Variants in MPP4 observed in about 807,000 individuals in gnomAD.
The protein encoded by MPP4 is MAGUK p55 scaffold protein 4.
In MPP4, 91 loss-of-function variants were observed where a neutral mutation model predicts 98.3. That is an observed-to-expected ratio of 0.93 (90% CI 0.78 to 1.10). The LOEUF is 1.10. Among genes scored for constraint, MPP4 ranks in the 50% least tolerant of loss-of-function variants. MPP4 has a pLI of 0.00. For missense variants in MPP4, 744 were observed against 792.9 expected, an observed-to-expected ratio of 0.94 and a Z score of 0.74; for synonymous variants, 261 against 271.8, an observed-to-expected ratio of 0.96 and a Z score of 0.39.
At chr2:201,664,410 GA>G in intron 13 of MPP4, 5 of 1,181,740 alleles carry the variant, frequency 4.2e-6, no homozygotes, top group Non-Finnish European at 5.7e-6. Flanking sequence ...GGGGAAAGTG[GA>G]ATGTCAGGGA....
chr2:201,694,061 T>A lies in MPP4; in HGVS notation c.-100-7A>T. On this transcript the variant is annotated splice_region_variant and splice_polypyrimidine_tract_variant and intron_variant, in intron 1 of 21. Coordinates refer to ENST00000409474, the MANE Select transcript of MPP4 (RefSeq NM_033066.3). ...GCCACCAGCTCTCAGCACACTGGAA[T>A]ATATTTTCAATAGCATTTCCTCAGC... 6.2e-7 allele frequency: 1 copy of A among 1,604,496 alleles called. No individual in the cohort carries two copies. Among genetic ancestry groups the A allele is most frequent in the East Asian group, 2.2e-5 (1 of 44,732 alleles).
intron 14 of MPP4, 31 bp downstream of exon 14, chr2:201,664,050 A>C: frequency 6.9e-7 from 1 of 1,443,928 alleles, no homozygotes; most frequent in Non-Finnish European, 9.4e-7. Context: ...TACATTTAAA[A>C]ATCAGTACCA....
chr2:201,694,163 C>T, intron 1 of MPP4, 109 bp from the exon 2 acceptor site: 1 of 1,048,216 alleles, frequency 9.5e-7, no homozygotes, highest in East Asian at 2.6e-5. Context: ...TACTCTTAAC[C>T]ATCACCAGTG....
intron 13 of MPP4, 74 bp downstream of exon 13, chr2:201,666,260 T>A (rs1688170904): frequency 7.4e-7 from 1 of 1,349,276 alleles, no homozygotes; most frequent in Admixed American, 2.3e-5. Flanking sequence ...TTTGGACACC[T>A]CTGCTTCAGA....
intron 11 of MPP4, among the ~76,000 whole-genome samples, chr2:201,672,425 C>G (rs1040333573): frequency 2.0e-5 from 3 of 151,706 alleles, no homozygotes; most frequent in Admixed American, 6.6e-5. Context: ...GACAGAGACA[C>G]AAAAAAACCT....
chr2:201,681,065 A>C, intron 9 of MPP4, 31 bp from the exon 10 acceptor site: 1 of 1,595,232 alleles, frequency 6.3e-7, no homozygotes, highest in African/African-American at 1.3e-5. Flanking sequence ...ACGCTATCAG[A>C]AGGTGCCTAA....
chr2:201,667,597 T>C (rs1688217853), intron 12 of MPP4, among the ~76,000 whole-genome samples: 1 of 152,230 alleles, frequency 6.6e-6, no homozygotes, highest in Non-Finnish European at 1.5e-5. Context: ...GAATAAAGGT[T>C]CTGAATTTTT....
rs1456360251 is a variant in MPP4, at chr2:201,645,376, A to G, written c.1748T>C (p.Leu583Ser). The G allele has an allele frequency of 1.4e-5, 22 of 1,613,910 alleles. No individual in the cohort carries two copies. Among genetic ancestry groups the G allele is most frequent in the Non-Finnish European group, 1.8e-5 (21 of 1,179,884 alleles). ...AAACTGAGTTTCCATTCTTTGGGCT[A>G]AATTTTCCATCTCTTGTAGGTCTTC... The part of the protein sequence containing the change: ...KDEDLQEMEN[L>S]AQRMETQFGQ... Residue 583 changes from leucine to serine, a missense_variant, in exon 22 of 22, where the codon TTA becomes TCA. By Grantham distance (145) the Leu-to-Ser change is moderately radical. Coordinates refer to ENST00000409474, the MANE Select transcript of MPP4 (RefSeq NM_033066.3).
intron 6 of MPP4, among the ~76,000 whole-genome samples, chr2:201,685,684 C>A (rs1397575280): frequency 6.6e-6 from 1 of 152,204 alleles, no homozygotes; most frequent in African/African-American, 2.4e-5. Flanking sequence ...TCTTATAAAT[C>A]TCATCTTACT....
rs10931965 is a variant in MPP4, at chr2:201,652,800, A to C, written c.1381+2037T>G. ...TCTGCCCCCGATAGATCTCACTTCC[A>C]CTGGTTTAGAACTCTCTAAGGCTAG... On this transcript the variant is annotated intron_variant, in intron 18 of 21. Coordinates refer to ENST00000409474, the MANE Select transcript of MPP4 (RefSeq NM_033066.3). Among the ~76,000 whole-genome samples, 1,914 of 152,106 alleles carry C rather than the reference A, an allele frequency of 0.013. 97 individuals carry two copies. The East Asian group carries it at 0.19, about 15-fold the overall frequency.
At chr2:201,688,333 A>G (rs1688898757) in intron 4 of MPP4, among the ~76,000 whole-genome samples, 1 of 152,246 alleles carries the variant, frequency 6.6e-6, no homozygotes, top group Non-Finnish European at 1.5e-5. Context: ...GGGAGGAGAC[A>G]CAGACAACAA....
intron 18 of MPP4, chr2:201,650,940 A>G: frequency 1.0e-6 from 1 of 985,304 alleles, no homozygotes; most frequent in South Asian, 4.7e-5. Context: ...CAAATATCTA[A>G]AAGTTATTTG....
At chr2:201,697,954 C>T (rs1255441195) in intron 1 of MPP4, 1 of 985,246 alleles carries the variant, frequency 1.0e-6, no homozygotes, top group Admixed American at 6.2e-5. Context: ...GACTTCTGTA[C>T]CAAATTTGTC....
intron 12 of MPP4, 193 bp from the exon 13 acceptor site, chr2:201,666,565 A>C (rs1688181496): frequency 8.6e-6 from 4 of 463,782 alleles, no homozygotes; most frequent in Middle Eastern, 5.5e-4. Flanking sequence ...TACCAAAAAA[A>C]ACAAAAATTA....
At chr2:201,670,808 G>A (rs1382381914) in intron 11 of MPP4, among the ~76,000 whole-genome samples, 1 of 152,240 alleles carries the variant, frequency 6.6e-6, no homozygotes, top group Admixed American at 6.5e-5. Context: ...GCAGCTCCCA[G>A]CAAGATCAAT....
intron 11 of MPP4, among the ~76,000 whole-genome samples, chr2:201,670,335 A>G (rs943691250): frequency 1.3e-5 from 2 of 152,180 alleles, no homozygotes; most frequent in Non-Finnish European, 1.5e-5. Context: ...ACAAAATAAT[A>G]TTAATTGAAG....
chr2:201,660,416 C>G, intron 14 of MPP4, 70 bp from the exon 15 acceptor site: 1 of 1,523,368 alleles, frequency 6.6e-7, no homozygotes, highest in Non-Finnish European at 9.1e-7. Context: ...TGTTAGCCAT[C>G]AAATCAAGGC....
intron 6 of MPP4, 112 bp downstream of exon 6, chr2:201,685,806 AC>A: frequency 8.4e-7 from 1 of 1,196,916 alleles, no homozygotes; most frequent in Non-Finnish European, 1.1e-6. Context: ...CGTTATTATC[AC>A]TGTATATGTG....
At chr2:201,686,695 G>A (rs552568934) in intron 5 of MPP4, among the ~76,000 whole-genome samples, 11 of 152,176 alleles carry the variant, frequency 7.2e-5, no homozygotes, top group African/African-American at 1.2e-4. Flanking sequence ...TAAGTAGTGC[G>A]TGCCGTTGAG....
Sources: allele counts gnomAD v4.1 joint callset (sites outside exome capture counted in the v4.1 genomes callset), GRCh38; gene constraint gnomAD v4.1.1; transcripts MANE v1.5; gene names NCBI Gene and HGNC (gene_info 2026-07-23, HGNC 2026-07-21).